Variants in THADA observed in about 807,000 individuals in gnomAD.
THADA encodes the protein tRNA (32-2'-O)-methyltransferase regulator THADA.
A neutral mutation model predicts 219.8 loss-of-function variants in THADA; 213 were observed. The observed-to-expected ratio is 0.97, with a 90% confidence interval of 0.87 to 1.09. The LOEUF is 1.09. THADA is among the 50% of genes least tolerant of loss of function. THADA has a pLI of 0.00. For missense variants in THADA, 2,956 were observed against 2,311.3 expected, an observed-to-expected ratio of 1.28 and a Z score of -5.72; for synonymous variants, 1,018 against 828.9, an observed-to-expected ratio of 1.23 and a Z score of -3.92.
At chr2:43,252,007 C>T (rs1469713843) in intron 36 of THADA, among the ~76,000 whole-genome samples, 1 of 152,152 alleles carries the variant, frequency 6.6e-6, no homozygotes. Context: ...CTGACTTGGA[C>T]GGAATAGCAA....
At chr2:43,410,431 T>C (rs537836934) in intron 28 of THADA, among the ~76,000 whole-genome samples, 1 of 152,362 alleles carries the variant, frequency 6.6e-6, no homozygotes, top group South Asian at 2.1e-4. Flanking sequence ...AGGAGACTCG[T>C]GCATGATTGT....
intron 28 of THADA, among the ~76,000 whole-genome samples, chr2:43,426,485 T>C (rs1678439223): frequency 6.6e-6 from 1 of 152,226 alleles, no homozygotes; most frequent in South Asian, 2.1e-4. Flanking sequence ...AAAGAACAAT[T>C]TTTAAGGCCC....
chr2:43,591,819 A>G (rs75548387), intron 3 of THADA, 133 bp downstream of exon 3: 2 of 420,132 alleles, frequency 4.8e-6, no homozygotes, highest in East Asian at 3.5e-5. Context: ...AAACAGAAAA[A>G]AAAAAATACT....
At chr2:43,250,397 G>A (rs1442238502) in intron 36 of THADA, among the ~76,000 whole-genome samples, 1 of 152,102 alleles carries the variant, frequency 6.6e-6, no homozygotes, top group African/African-American at 2.4e-5. Flanking sequence ...GAGGCCAGGG[G>A]ATAGTGGGGA....
chr2:43,343,945 T>G (rs1182288431), intron 30 of THADA, 177 bp downstream of exon 30: 9 of 509,370 alleles, frequency 1.8e-5, no homozygotes, highest in Non-Finnish European at 7.1e-6. Context: ...AGAAAAATTG[T>G]CAAGAAAATA....
chr2:43,273,608 GAA>G (rs1454253635), intron 36 of THADA, among the ~76,000 whole-genome samples: 1 of 152,158 alleles, frequency 6.6e-6, no homozygotes, highest in African/African-American at 2.4e-5. Context: ...GGCAGGAACT[GAA>G]AAAAGCACAG....
intron 30 of THADA, among the ~76,000 whole-genome samples, chr2:43,336,716 C>CA (rs1347677862): frequency 6.6e-6 from 1 of 152,190 alleles, no homozygotes; most frequent in African/African-American, 2.4e-5. Context: ...TAAGGCCTGG[C>CA]ATCACAGGTT....
chr2:43,521,124 G>C (rs911603596), intron 22 of THADA, among the ~76,000 whole-genome samples: 1 of 127,102 alleles, frequency 7.9e-6, no homozygotes, highest in Non-Finnish European at 1.7e-5. Flanking sequence ...GGAAGGTAGG[G>C]AAGGGAGGGA....
chr2:43,372,811 G>A lies in THADA; in HGVS notation c.4227+25160C>T, dbSNP rs763084062. Among the ~76,000 whole-genome samples the A allele has an allele frequency of 6.6e-5, 10 of 152,154 alleles. No individual in the cohort carries two copies. The East Asian group carries it at 1.2e-3, about 18-fold the overall frequency. ...GTCACTTAGGCTACAGTGCAGTGGC[G>A]CGGTCTCAATCTCCGCAGTAGCTGG... On this transcript the variant is annotated intron_variant, in intron 29 of 37. Transcript: ENST00000405975.
At chr2:43,541,351 G>T (rs753992491) in intron 20 of THADA, 35 bp from the exon 21 acceptor site, 1 of 1,607,646 alleles carries the variant, frequency 6.2e-7, no homozygotes, top group South Asian at 1.1e-5. Flanking sequence ...TTGCAACCTT[G>T]ATTACTCATA....
chr2:43,328,492 A>C (rs1679589154), intron 30 of THADA, among the ~76,000 whole-genome samples: 1 of 152,134 alleles, frequency 6.6e-6, no homozygotes, highest in African/African-American at 2.4e-5. Context: ...TTTCCTTTTA[A>C]AGTGAAGCCA....
intron 10 of THADA, among the ~76,000 whole-genome samples, chr2:43,575,654 A>G (rs1559005898): frequency 6.6e-6 from 1 of 152,144 alleles, no homozygotes; most frequent in Non-Finnish European, 1.5e-5. Flanking sequence ...CTCCTGCCTC[A>G]GCCGCCTCAG....
At chr2:43,502,584 C>CAAA (rs1172070049) in intron 24 of THADA, among the ~76,000 whole-genome samples, 4 of 74,178 alleles carry the variant, frequency 5.4e-5, no homozygotes, top group Admixed American at 1.5e-4. Flanking sequence ...GACCTCGTCT[C>CAAA]AAAAAAAAAA....
chr2:43,444,107 C>T (rs866416596), intron 26 of THADA, among the ~76,000 whole-genome samples: 1 of 152,152 alleles, frequency 6.6e-6, no homozygotes, highest in Non-Finnish European at 1.5e-5. Flanking sequence ...ATAAAGAATG[C>T]CACAAAGAGA....
At chr2:43,412,632 A>G (rs1676434930) in intron 28 of THADA, among the ~76,000 whole-genome samples, 1 of 152,218 alleles carries the variant, frequency 6.6e-6, no homozygotes, top group Non-Finnish European at 1.5e-5. Flanking sequence ...TATTATTCAA[A>G]TGGTTCTTCT....
At chr2:43,532,721 T>C (rs991121153) in intron 21 of THADA, among the ~76,000 whole-genome samples, 2 of 152,164 alleles carry the variant, frequency 1.3e-5, no homozygotes, top group African/African-American at 4.8e-5. Context: ...TCACCACTCC[T>C]ATTCAACATA....
chr2:43,393,295 G>A (rs1673620304), intron 29 of THADA, among the ~76,000 whole-genome samples: 1 of 152,194 alleles, frequency 6.6e-6, no homozygotes, highest in South Asian at 2.1e-4. Context: ...GAGCAACTGA[G>A]TGATAAAGTA....
At position 43,574,513 on chromosome 2, in the gene THADA, A is replaced by T. The variant is rs1357163270; in HGVS notation, c.1552T>A (p.Trp518Arg). ...HLKSQTAESS[W>R]IDQWHETWVS... Reference sequence around the variant, plus strand: ...CAAGTCTCATGCCACTGGTCAATCCAAGAACTCTCAGCAGTCTGGGATTTC... The same window carrying T: ...CAAGTCTCATGCCACTGGTCAATCCTAGAACTCTCAGCAGTCTGGGATTTC... Residue 518 changes from tryptophan to arginine, a missense_variant, in exon 11 of 38, where the codon TGG becomes AGG. Physicochemically the swap from Trp to Arg is moderately radical, Grantham distance 101. Coordinates refer to ENST00000405975, the MANE Select transcript of THADA (RefSeq NM_022065.5). 2 of 1,613,988 alleles carry T rather than the reference A, an allele frequency of 1.2e-6. No homozygotes were observed. Among genetic ancestry groups the T allele is most frequent in the Admixed American group, 3.3e-5 (2 of 60,008 alleles).
intron 24 of THADA, among the ~76,000 whole-genome samples, 176 bp from the exon 25 acceptor site, chr2:43,499,131 T>C (rs138819449): frequency 1.1e-4 from 17 of 152,318 alleles, no homozygotes; most frequent in African/African-American, 3.8e-4. Flanking sequence ...TAAACCATTT[T>C]ACAAAAAATT....
Sources: gnomAD v4.1 joint callset for allele counts (sites outside exome capture counted in the v4.1 genomes callset) on GRCh38, gnomAD v4.1.1 for gene constraint, MANE v1.5 for transcripts, NCBI Gene and HGNC (gene_info 2026-07-23, HGNC 2026-07-21) for gene names.